The following RFFL variants were observed in gnomAD, a reference collection of about 807,000 sequenced individuals.
RFFL encodes the protein E3 ubiquitin-protein ligase rififylin.
Under a neutral mutation model 40.4 loss-of-function variants are expected in RFFL, and 16 were observed. The ratio of observed to expected loss-of-function variants is 0.40; its 90% CI spans 0.27 to 0.60. The LOEUF (loss-of-function observed/expected upper bound fraction) is 0.60. Ranked by LOEUF, RFFL falls within the 20% of genes least tolerant of loss-of-function variation. The probability of loss-of-function intolerance (pLI) is 0.47; values close to 1 mark genes in which losing one functional copy is unlikely to be tolerated. For missense variants in RFFL, 367 were observed against 451.7 expected (o/e 0.81, Z 1.70); for synonymous variants, 154 against 167.9 (o/e 0.92, Z 0.64).
chr17:35,017,670 T>C, intron 3 of RFFL, 64 bp from the exon 4 acceptor site: 2 of 1,055,220 alleles, frequency 1.9e-6, no homozygotes, highest in Non-Finnish European at 2.9e-6. Context: ...AGCATGGGCC[T>C]CTTTTCAACT....
At chr17:35,037,274 G>A (rs1048493489) in intron 1 of RFFL, among the ~76,000 whole-genome samples, 2 of 152,176 alleles carry the variant, frequency 1.3e-5, no homozygotes, top group Non-Finnish European at 2.9e-5. Flanking sequence ...TGTCACTAAC[G>A]TATTTCTGGA....
At chr17:35,074,455 C>T (rs538084205) in intron 1 of RFFL, 63 of 152,266 alleles carry the variant, frequency 4.1e-4, no homozygotes, top group African/African-American at 1.5e-3. Context: ...CTGCAGCCGA[C>T]ATATTTGTAA....
chr17:35,063,723 G>A (rs979497132), upstream of RFFL: 1 of 152,166 alleles, frequency 6.6e-6, no homozygotes, highest in Non-Finnish European at 1.5e-5. Flanking sequence ...GTGCCGCCTG[G>A]GGATGTATCT....
chr17:35,014,595 C>T (rs534022508), intron 6 of RFFL, 145 bp downstream of exon 6: 1 of 754,606 alleles, frequency 1.3e-6, no homozygotes, highest in African/African-American at 1.7e-5. Flanking sequence ...GGTGAGAGGC[C>T]CCCTGGGTCT....
intron 1 of RFFL, among the ~76,000 whole-genome samples, chr17:35,035,620 T>C (rs2091116269): frequency 6.6e-6 from 1 of 151,000 alleles, no homozygotes; most frequent in African/African-American, 2.4e-5. Flanking sequence ...GCTTTTACTC[T>C]TTATATACCT....
At chr17:35,017,699 T>TA in intron 3 of RFFL, 93 bp from the exon 4 acceptor site, 1 of 843,056 alleles carries the variant, frequency 1.2e-6, no homozygotes, top group South Asian at 1.4e-5. Flanking sequence ...GTCCAGAATG[T>TA]ACTCCCATCA....
intron 5 of RFFL, 92 bp from the exon 6 acceptor site, chr17:35,014,855 C>A (rs1038255613): frequency 5.5e-6 from 7 of 1,276,842 alleles, no homozygotes; most frequent in African/African-American, 3.0e-5. Context: ...TGAACTCTTA[C>A]CACTCCCTGC....
chr17:35,013,244 G>C (rs2142312833), intron 6 of RFFL, among the ~76,000 whole-genome samples: 1 of 152,378 alleles, frequency 6.6e-6, no homozygotes, highest in East Asian at 1.9e-4. Context: ...TCCTGCTCTA[G>C]AATGGCCTTC....
At chr17:35,041,588 T>TCAC (rs1399135140) in intron 1 of RFFL, among the ~76,000 whole-genome samples, 1 of 125,742 alleles carries the variant, frequency 8.0e-6, no homozygotes, top group Non-Finnish European at 1.5e-5. Flanking sequence ...AACCGAAAGG[T>TCAC]AGTGTGACCT....
intron 1 of RFFL, among the ~76,000 whole-genome samples, chr17:35,039,427 G>A (rs8065877): frequency 2.0e-5 from 3 of 151,368 alleles, no homozygotes; most frequent in African/African-American, 4.9e-5. Flanking sequence ...ACCATGTTGG[G>A]CAGGATGGTC....
intron 3 of RFFL, among the ~76,000 whole-genome samples, chr17:35,020,378 G>A (rs983019372): frequency 1.3e-5 from 2 of 151,338 alleles, no homozygotes; most frequent in Admixed American, 6.6e-5. Context: ...CCTCCTGTCA[G>A]ATCAGCGGTG....
Position 35,039,238 on chromosome 17 carries a change from T to C in RFFL, c.-8-12677A>G, listed in dbSNP as rs1379143865. Among the ~76,000 whole-genome samples the C allele has an allele frequency of 2.0e-5, 3 of 151,596 alleles. No individual in the cohort carries two copies. The East Asian group carries it at 5.9e-4, about 30-fold the overall frequency. On this transcript the variant is annotated intron_variant, in intron 1 of 6. Coordinates refer to ENST00000394597, the MANE Select transcript of RFFL (RefSeq NM_001017368.2). ...ACAGATTTTTTTCTTTTCTTTTTTTTGAGACGCAGTCTCGCTCTGTCGCCA... is the reference window on the plus strand; with the variant it reads ...ACAGATTTTTTTCTTTTCTTTTTTTCGAGACGCAGTCTCGCTCTGTCGCCA...
At position 35,063,680 on chromosome 17, in the gene RFFL, A is replaced by ACC. The variant is rs1161175753; in HGVS notation, c.-115_-114dup. 1.3e-5 allele frequency: 2 copies of ACC among 152,172 alleles called. No homozygotes were observed. Among genetic ancestry groups the ACC allele is most frequent in the African/African-American group, 4.8e-5 (2 of 41,412 alleles). 9.4% of individuals were successfully genotyped at this position (152,172 alleles called of 1,614,324 possible). A position where few individuals can be genotyped will look rare whatever the true frequency, so the allele number is the denominator to read the frequency against. ...ATGTTCAGATGAGATCATCTCAGGA[A>ACC]CCAAGAGCAGCGGCTTTCATGTGAA... On this transcript the variant is annotated 5_prime_UTR_variant, in exon 1 of 7. It removes the in-frame stop codon of an upstream open reading frame in the 5' UTR. Coordinates refer to ENST00000394597, the MANE Select transcript of RFFL (RefSeq NM_001017368.2).
chr17:35,077,719 A>G (rs1307139028), intron 1 of RFFL, among the ~76,000 whole-genome samples: 1 of 152,234 alleles, frequency 6.6e-6, no homozygotes, highest in Non-Finnish European at 1.5e-5. Context: ...TCCAAGCTTG[A>G]TCAACCCATG....
At chr17:35,014,033 C>T (rs1170354649) in intron 6 of RFFL, among the ~76,000 whole-genome samples, 1 of 152,166 alleles carries the variant, frequency 6.6e-6, no homozygotes, top group Non-Finnish European at 1.5e-5. Context: ...GCAGGCTAGT[C>T]CAACACTACT....
chr17:35,038,616 T>C (rs1342918699), intron 1 of RFFL, among the ~76,000 whole-genome samples: 1 of 152,214 alleles, frequency 6.6e-6, no homozygotes, highest in Non-Finnish European at 1.5e-5. Flanking sequence ...CATGCAATAG[T>C]ACAGATGAAT....
rs1021973480 is a variant in RFFL at position 35,062,162 on chromosome 17, T to C, written c.-9+1414A>G. Among the ~76,000 whole-genome samples the C allele has an allele frequency of 2.7e-5, 4 of 150,942 alleles. No individual in the cohort carries two copies. In the East Asian group the frequency reaches 8.0e-4, roughly 30 times the overall value. On this transcript the variant is annotated intron_variant, in intron 1 of 6. Transcript: ENST00000394597. Reference sequence around the variant, plus strand: ...GCTCACACCTGTAAACCCAGCACTTTGGGAGGCCAAGGCAGGTGGACCATG... The same window carrying C: ...GCTCACACCTGTAAACCCAGCACTTCGGGAGGCCAAGGCAGGTGGACCATG...
At chr17:35,081,634 G>A (rs1386971125) in intron 1 of RFFL, among the ~76,000 whole-genome samples, 2 of 152,100 alleles carry the variant, frequency 1.3e-5, no homozygotes, top group East Asian at 1.9e-4. Flanking sequence ...TATAAAGAGA[G>A]AGAGACTATT....
chr17:35,069,437 A>G (rs1024047194), intron 1 of RFFL: 3 of 429,346 alleles, frequency 7.0e-6, no homozygotes, highest in Non-Finnish European at 1.4e-5. Context: ...AAATAAAAGG[A>G]TACGACTGCA....
Sources: gnomAD v4.1 joint callset for allele counts (sites outside exome capture counted in the v4.1 genomes callset) on GRCh38, gnomAD v4.1.1 for gene constraint, MANE v1.5 for transcripts, NCBI Gene and HGNC (gene_info 2026-07-23, HGNC 2026-07-21) for gene names.